The following LPP variants were observed in gnomAD, a reference collection of about 807,000 sequenced individuals.
LPP encodes the protein lipoma-preferred partner.
Under a neutral mutation model 60.4 loss-of-function variants are expected in LPP, and 38 were observed. The observed-to-expected ratio is 0.63, with a 90% CI of 0.49 to 0.83. LPP has a LOEUF of 0.83. Ranked by LOEUF, LPP falls within the 40% of genes least tolerant of loss-of-function variation. The pLI, the probability that LPP is intolerant of heterozygous loss-of-function variation, is 0.00. For missense variants in LPP, 902 were observed against 783.6 expected (o/e 1.15, Z -1.80); for synonymous variants, 328 against 290.8 (o/e 1.13, Z -1.30).
intron 6 of LPP, among the ~76,000 whole-genome samples, chr3:188,574,570 A>C (rs1019658302): frequency 1.3e-5 from 2 of 152,138 alleles, no homozygotes; most frequent in Non-Finnish European, 2.9e-5. Flanking sequence ...TCTTAGGACA[A>C]CAGAAACTTT....
At chr3:188,436,152 G>T (rs1792240916) in intron 4 of LPP, among the ~76,000 whole-genome samples, 2 of 152,188 alleles carry the variant, frequency 1.3e-5, no homozygotes, top group Non-Finnish European at 2.9e-5. Context: ...CCATTGTGTA[G>T]ATTACTAAAA....
At chr3:188,394,923 G>A (rs1272549092) in intron 3 of LPP, among the ~76,000 whole-genome samples, 1 of 152,112 alleles carries the variant, frequency 6.6e-6, no homozygotes, top group African/African-American at 2.4e-5. Context: ...TATTAAATGT[G>A]AAATTGCAAA....
chr3:188,428,537 T>A (rs1208557748), intron 4 of LPP, among the ~76,000 whole-genome samples: 1 of 151,740 alleles, frequency 6.6e-6, no homozygotes, highest in African/African-American at 2.4e-5. Context: ...CAGTCTTGGG[T>A]CTCACCCTCA....
At chr3:188,305,402 C>A (rs1751203277) in intron 2 of LPP, among the ~76,000 whole-genome samples, 1 of 152,070 alleles carries the variant, frequency 6.6e-6, no homozygotes, top group Non-Finnish European at 1.5e-5. Context: ...GTTGACATAA[C>A]CCATAAGTAT....
At chr3:188,262,715 G>C (rs9844744) in intron 2 of LPP, among the ~76,000 whole-genome samples, 101,338 of 150,642 alleles carry the variant, frequency 0.67, 35,453 homozygotes, top group African/African-American at 0.89. Flanking sequence ...TCCTCTCTCT[G>C]TCTTTCTCTC....
intron 11 of LPP, among the ~76,000 whole-genome samples, 175 bp from the exon 12 acceptor site, chr3:188,874,176 A>G (rs1768923144): frequency 6.6e-6 from 1 of 152,200 alleles, no homozygotes; most frequent in African/African-American, 2.4e-5. Context: ...CATTCAAGAT[A>G]TACTATGTTA....
At chr3:188,399,193 G>A (rs1344559714) in intron 3 of LPP, among the ~76,000 whole-genome samples, 1 of 152,142 alleles carries the variant, frequency 6.6e-6, no homozygotes, top group African/African-American at 2.4e-5. Context: ...CTAGAAGCTG[G>A]GTCTGAATTC....
At chr3:188,288,221 C>T (rs1224604902) in intron 2 of LPP, among the ~76,000 whole-genome samples, 5 of 152,244 alleles carry the variant, frequency 3.3e-5, no homozygotes, top group South Asian at 4.1e-4. Context: ...CTTCCTTTGC[C>T]GAAAGCAGGC....
intron 9 of LPP, among the ~76,000 whole-genome samples, chr3:188,769,486 C>T (rs373099899): frequency 3.9e-5 from 6 of 152,292 alleles, no homozygotes; most frequent in East Asian, 3.9e-4. Context: ...AACAAAGAGG[C>T]CTAGCTGAAC....
At position 188,888,238 on chromosome 3, in the gene LPP, G is replaced by A; in HGVS notation, c.*13759G>A. On this transcript the variant is annotated 3_prime_UTR_variant, in exon 12 of 12. Transcript: ENST00000617246. ...TAAGTAAGGGAATATGTGCAATTAT[G>A]AGACATACAAAAAAGGAAAGGGAAA... 1 of 222,354 alleles carries A rather than the reference G, an allele frequency of 4.5e-6. No individual in the cohort carries two copies. 13.8% of individuals were successfully genotyped at this position (222,354 alleles called of 1,614,324 possible).
intron 7 of LPP, among the ~76,000 whole-genome samples, chr3:188,682,871 A>C (rs1357781952): frequency 1.3e-5 from 2 of 152,184 alleles, no homozygotes; most frequent in Non-Finnish European, 2.9e-5. Flanking sequence ...TAATGCACAC[A>C]GGAAACTAGG....
At position 188,332,107 on chromosome 3, in the gene LPP, A is replaced by G. The variant is rs187772552; in HGVS notation, c.-66-9556A>G. On this transcript the variant is annotated intron_variant, in intron 2 of 11. Transcript: ENST00000617246. ...TTTTCTTCTCTCTTTAAATTTTATAACGTATATACTCTTATAAAAGTTACC... is the reference window on the plus strand; with the variant it reads ...TTTTCTTCTCTCTTTAAATTTTATAGCGTATATACTCTTATAAAAGTTACC... Among the ~76,000 whole-genome samples the G allele has an allele frequency of 7.2e-5, 11 of 152,200 alleles. No individual in the cohort carries two copies. In the East Asian group the frequency reaches 2.1e-3, roughly 29 times the overall value.
At chr3:188,308,762 G>T (rs147878951) in intron 2 of LPP, among the ~76,000 whole-genome samples, 1 of 152,116 alleles carries the variant, frequency 6.6e-6, no homozygotes, top group Non-Finnish European at 1.5e-5. Context: ...ATAAAACTTC[G>T]GTCAAGGACT....
At chr3:188,552,120 C>T (rs1200624055) in intron 6 of LPP, among the ~76,000 whole-genome samples, 1 of 152,146 alleles carries the variant, frequency 6.6e-6, no homozygotes, top group Non-Finnish European at 1.5e-5. Flanking sequence ...TGATAATCTC[C>T]AAAATTGTGA....
At chr3:188,557,814 C>G (rs1263191981) in intron 6 of LPP, among the ~76,000 whole-genome samples, 1 of 152,060 alleles carries the variant, frequency 6.6e-6, no homozygotes. Context: ...CTGGCGCTCT[C>G]TTTTCTGTAC....
chr3:188,186,936 G>A (rs892953141), intron 1 of LPP, among the ~76,000 whole-genome samples: 2 of 152,010 alleles, frequency 1.3e-5, no homozygotes, highest in African/African-American at 4.8e-5. Context: ...TTTATTCTTT[G>A]TGGTTTCCTT....
rs577549494 is a variant in LPP at position 188,758,427 on chromosome 3, C to T, written c.1241-1686C>T. ...CCACCCACCTCGGCCTCCCAAAGTG[C>T]TGGGATTGAAGACATGAGCCACTGC... On this transcript the variant is annotated intron_variant, in intron 8 of 11. Coordinates refer to ENST00000617246, the MANE Select transcript of LPP (RefSeq NM_001375462.1). Among the ~76,000 whole-genome samples, 4 of 152,210 alleles carry T rather than the reference C, an allele frequency of 2.6e-5. No individual in the cohort carries two copies. In the South Asian group the frequency reaches 8.3e-4, roughly 32 times the overall value.
Position 188,860,535 on chromosome 3 carries a change from G to A in LPP, c.1411-5665G>A, listed in dbSNP as rs11924817. 1.9e-3 allele frequency among the ~76,000 whole-genome samples: 296 copies of A among 152,016 alleles called. 1 individual carries two copies. The highest frequency in any genetic ancestry group is 6.8e-3 in the African/African-American group (280 of 41,454). Reference sequence around the variant, plus strand: ...AACTCTGGACACCTCTGGTCCTTCCGAATCCTCCCAAATATGGTGCATCCG... The same window carrying A: ...AACTCTGGACACCTCTGGTCCTTCCAAATCCTCCCAAATATGGTGCATCCG... On this transcript the variant is annotated intron_variant, in intron 9 of 11. Coordinates refer to ENST00000617246, the MANE Select transcript of LPP (RefSeq NM_001375462.1).
At chr3:188,293,834 G>A (rs1046428039) in intron 2 of LPP, among the ~76,000 whole-genome samples, 2 of 151,972 alleles carry the variant, frequency 1.3e-5, no homozygotes, top group East Asian at 3.9e-4. Context: ...GGAGACCGAG[G>A]TGGGTGAATC....
Sources: gnomAD v4.1 joint callset for allele counts (sites outside exome capture counted in the v4.1 genomes callset) on GRCh38, gnomAD v4.1.1 for gene constraint, MANE v1.5 for transcripts, NCBI Gene and HGNC (gene_info 2026-07-23, HGNC 2026-07-21) for gene names.